Variants in GREB1L observed in about 807,000 individuals in gnomAD.
GREB1L encodes GREB1-like protein.
Under a neutral mutation model 200.8 loss-of-function variants are expected in GREB1L, and 17 were observed. The observed-to-expected ratio is 0.08, with a 90% CI of 0.06 to 0.13. GREB1L has a LOEUF of 0.13. Among genes scored for constraint, GREB1L ranks in the 10% least tolerant of loss-of-function variants. The pLI, the probability that GREB1L is intolerant of heterozygous loss-of-function variation, is 1.00. For missense variants in GREB1L, 1,657 were observed against 2,367.7 expected (o/e 0.70, Z 6.23); for synonymous variants, 789 against 893.0 (o/e 0.88, Z 2.08).
chr18:21,339,142 G>A (rs1301117652), intron 1 of GREB1L, among the ~76,000 whole-genome samples: 4 of 151,144 alleles, frequency 2.6e-5, no homozygotes, highest in African/African-American at 4.9e-5. Flanking sequence ...AGCCGAGATC[G>A]CACCTCTGCA....
At chr18:21,396,612 A>G (rs774720130) in intron 5 of GREB1L, among the ~76,000 whole-genome samples, 17 of 152,266 alleles carry the variant, frequency 1.1e-4, no homozygotes, top group Middle Eastern at 3.4e-3. Context: ...AGATATTTCT[A>G]TCTATACTTG....
chr18:21,365,629 T>C (rs1226653709), intron 1 of GREB1L, among the ~76,000 whole-genome samples: 4 of 152,134 alleles, frequency 2.6e-5, no homozygotes, highest in African/African-American at 9.7e-5. Flanking sequence ...TATCAGGGAT[T>C]ATTACTCCTA....
At chr18:21,319,798 C>T (rs1426488153) in intron 1 of GREB1L, among the ~76,000 whole-genome samples, 3 of 152,086 alleles carry the variant, frequency 2.0e-5, no homozygotes, top group African/African-American at 2.4e-5. Context: ...AAAAGGAGCA[C>T]CCTTAGAGGC....
chr18:21,500,691 T>A, intron 23 of GREB1L, 49 bp downstream of exon 23: 1 of 1,303,878 alleles, frequency 7.7e-7, no homozygotes. Flanking sequence ...GACAAAGACA[T>A]TGAATTGCAA....
In GREB1L at chr18:21,496,530, C is replaced by T; in HGVS notation, c.3223C>T (p.Leu1075=). 1 of 1,551,678 alleles carries T rather than the reference C, an allele frequency of 6.4e-7. No homozygotes were observed. The highest frequency in any genetic ancestry group is 8.7e-7 in the Non-Finnish European group (1 of 1,147,002). Reference sequence around the variant, plus strand: ...CACGGCCTTGGAGCAGGAGGTGGGTCTGGCATGCTGCTATGTCTCAAAAGA... The same window carrying T: ...CACGGCCTTGGAGCAGGAGGTGGGTTTGGCATGCTGCTATGTCTCAAAAGA... The part of the protein sequence containing the change: ...TRTALEQEVG[L]ACCYVSKEVI... Residue 1075 remains leucine (L), a synonymous_variant, in exon 21 of 33, where the codon CTG becomes TTG. Transcript: ENST00000424526.
intron 15 of GREB1L, among the ~76,000 whole-genome samples, chr18:21,457,619 T>G (rs955816287): frequency 6.6e-6 from 1 of 152,222 alleles, no homozygotes; most frequent in African/African-American, 2.4e-5. Context: ...TCTTTCCATG[T>G]CATGAACATC....
intron 15 of GREB1L, among the ~76,000 whole-genome samples, chr18:21,463,325 T>C (rs1296057590): frequency 6.6e-6 from 1 of 151,542 alleles, no homozygotes; most frequent in African/African-American, 2.4e-5. Flanking sequence ...TTTTGTATTT[T>C]TAATAGAGAT....
At chr18:21,313,007 T>C (rs959576627) in intron 1 of GREB1L, among the ~76,000 whole-genome samples, 1 of 152,152 alleles carries the variant, frequency 6.6e-6, no homozygotes, top group African/African-American at 2.4e-5. Context: ...ATTTGCCCAC[T>C]TTTTAATTGT....
At chr18:21,393,537 G>A (rs1350043234) in intron 4 of GREB1L, among the ~76,000 whole-genome samples, 16 of 152,208 alleles carry the variant, frequency 1.1e-4, no homozygotes, top group Middle Eastern at 3.4e-3. Context: ...GTGCAGTGGC[G>A]CGATCTGGGC....
In GREB1L at chr18:21,383,501, G is replaced by C. The variant is rs2040408647; in HGVS notation, c.-9-9G>C. ...TTTATCCTTTCTTCTTTTTCTTGGG[G>C]ATGGGTAGGTGTAGATCATGGGGAA... On this transcript the variant is annotated splice_polypyrimidine_tract_variant and intron_variant, in intron 2 of 32. Coordinates refer to ENST00000424526, the MANE Select transcript of GREB1L (RefSeq NM_001142966.3). 1 of 1,496,826 alleles carries C rather than the reference G, an allele frequency of 6.7e-7. No homozygotes were observed. 92.7% of individuals were successfully genotyped at this position (1,496,826 alleles called of 1,614,324 possible).
intron 1 of GREB1L, among the ~76,000 whole-genome samples, chr18:21,246,396 T>C (rs1283984217): frequency 6.6e-6 from 1 of 152,224 alleles, no homozygotes; most frequent in Non-Finnish European, 1.5e-5. Flanking sequence ...ATACTGTCAT[T>C]AACAATCTAT....
At chr18:21,266,159 T>C (rs2037964361) in intron 1 of GREB1L, among the ~76,000 whole-genome samples, 1 of 152,218 alleles carries the variant, frequency 6.6e-6, no homozygotes, top group Non-Finnish European at 1.5e-5. Flanking sequence ...CACTAAGCCC[T>C]CTTCAGCTGC....
chr18:21,268,454 C>G (rs547801331), intron 1 of GREB1L, among the ~76,000 whole-genome samples: 2 of 142,502 alleles, frequency 1.4e-5, no homozygotes, highest in South Asian at 2.3e-4. Flanking sequence ...AGTTTAGGAA[C>G]AAGTTTCATG....
intron 11 of GREB1L, among the ~76,000 whole-genome samples, chr18:21,448,575 T>A (rs543704122): frequency 7.9e-4 from 120 of 152,302 alleles, no homozygotes; most frequent in Non-Finnish European, 1.4e-3. Context: ...GTTCTGGGGC[T>A]GTTGCTTGGT....
intron 1 of GREB1L, among the ~76,000 whole-genome samples, chr18:21,258,564 C>T (rs1411865862): frequency 6.6e-6 from 1 of 152,166 alleles, no homozygotes; most frequent in Non-Finnish European, 1.5e-5. Context: ...AATGGAACAA[C>T]ATAAGCTTAT....
At chr18:21,468,862 G>A (rs2035371514) in intron 15 of GREB1L, 2 of 437,390 alleles carry the variant, frequency 4.6e-6, no homozygotes, top group Admixed American at 5.2e-5. Context: ...GGGAATGTTT[G>A]AGTTTTCTCA....
intron 1 of GREB1L, among the ~76,000 whole-genome samples, chr18:21,324,981 T>C (rs1254207027): frequency 1.3e-5 from 2 of 152,196 alleles, no homozygotes; most frequent in Non-Finnish European, 2.9e-5. Flanking sequence ...ATTCTGGTAA[T>C]TTAATACCCA....
intron 7 of GREB1L, among the ~76,000 whole-genome samples, chr18:21,423,886 G>T (rs1422613446): frequency 6.6e-6 from 1 of 152,122 alleles, no homozygotes; most frequent in Non-Finnish European, 1.5e-5. Context: ...GGCTCGGGAG[G>T]CTGGGACATT....
intron 1 of GREB1L, among the ~76,000 whole-genome samples, chr18:21,254,296 C>T (rs1473987118): frequency 6.6e-6 from 1 of 151,958 alleles, no homozygotes; most frequent in Admixed American, 6.5e-5. Context: ...TCTCGAACTC[C>T]TTTCCTCAGG....
Sources: gnomAD v4.1 joint callset for allele counts (sites outside exome capture counted in the v4.1 genomes callset) on GRCh38, gnomAD v4.1.1 for gene constraint, MANE v1.5 for transcripts, NCBI Gene and HGNC (gene_info 2026-07-23, HGNC 2026-07-21) for gene names.